DHX9: variants seen among roughly 807,000 people sequenced by gnomAD.
DHX9 encodes ATP-dependent RNA helicase A.
A neutral mutation model predicts 148.7 loss-of-function variants in DHX9; 27 were observed. The ratio of observed to expected loss-of-function variants is 0.18; its 90% CI spans 0.13 to 0.25. The LOEUF is 0.25. Among genes scored for constraint, DHX9 ranks in the 10% least tolerant of loss-of-function variants. The pLI is 1.00. For missense variants in DHX9, 796 were observed against 1,559.6 expected (o/e 0.51, Z 8.25); for synonymous variants, 529 against 516.6 (o/e 1.02, Z -0.33).
chr1:182,881,174 A>G, intron 22 of DHX9, 90 bp from the exon 23 acceptor site: 2 of 1,330,736 alleles, frequency 1.5e-6, no homozygotes, highest in Non-Finnish European at 2.1e-6. Flanking sequence ...ATAGCCATAA[A>G]GACTGCAACC....
At chr1:182,869,766 T>G (rs1648481669) in intron 14 of DHX9, among the ~76,000 whole-genome samples, 1 of 152,174 alleles carries the variant, frequency 6.6e-6, no homozygotes, top group African/African-American at 2.4e-5. Flanking sequence ...ACCTGGGTAA[T>G]TTTTGTATTT....
At chr1:182,879,574 C>T (rs1420052098) in intron 21 of DHX9, among the ~76,000 whole-genome samples, 164 bp downstream of exon 21, 3 of 152,034 alleles carry the variant, frequency 2.0e-5, no homozygotes, top group African/African-American at 4.8e-5. Context: ...TTAGTATAGT[C>T]ACTGTTCTAA....
intron 15 of DHX9, among the ~76,000 whole-genome samples, chr1:182,874,396 C>T (rs1222043534): frequency 6.6e-6 from 1 of 152,128 alleles, no homozygotes; most frequent in African/African-American, 2.4e-5. Flanking sequence ...CATTCTGGGG[C>T]CATCTGAGAA....
chr1:182,887,644 A>G lies in DHX9; in HGVS notation c.*210A>G. 1 of 500,518 alleles carries G rather than the reference A, an allele frequency of 2.0e-6. No individual in the cohort carries two copies. Among genetic ancestry groups the G allele is most frequent in the East Asian group, 3.1e-5 (1 of 31,846 alleles). 31.0% of individuals were successfully genotyped at this position (500,518 alleles called of 1,614,324 possible). On this transcript the variant is annotated 3_prime_UTR_variant, in exon 28 of 28. Transcript: ENST00000367549. The stretch of plus-strand genomic sequence containing the variant: ...TAAAATATAACGATCTCTTAAAAAT[A>G]CCACAGTTTGTATTTTTTCTTTAAG...
In DHX9 at chr1:182,881,674, T is replaced by C. The variant is rs529931157; in HGVS notation, c.2914+27T>C. On this transcript the variant is annotated intron_variant, in intron 24 of 27. Transcript: ENST00000367549. ...TAAGACTTCTTCCATTCTTAAGATA[T>C]CTTTAAAGTGACATTTATATAGTAC... is the stretch of plus-strand genomic sequence containing the variant. 1.6e-4 allele frequency: 247 copies of C among 1,566,164 alleles called. 2 individuals are homozygous for C. The South Asian group carries it at 2.4e-3, about 15-fold the overall frequency.
intron 22 of DHX9, among the ~76,000 whole-genome samples, chr1:182,881,011 A>G (rs1649062027): frequency 6.6e-6 from 1 of 152,238 alleles, no homozygotes; most frequent in Admixed American, 6.5e-5. Flanking sequence ...ATGATGGGGA[A>G]GAGAGAATAT....
At chr1:182,849,003 A>G (rs1668081321) in intron 3 of DHX9, among the ~76,000 whole-genome samples, 2 of 152,224 alleles carry the variant, frequency 1.3e-5, no homozygotes, top group African/African-American at 4.8e-5. Context: ...GTTACTTCTC[A>G]CCAGGCCCTA....
chr1:182,842,405 T>TGGAACTCCC (rs1182369785), intron 1 of DHX9, 140 bp from the exon 2 acceptor site: 1 of 526,538 alleles, frequency 1.9e-6, no homozygotes, highest in Non-Finnish European at 3.4e-6. Flanking sequence ...TCCAATTATG[T>TGGAACTCCC]CGTTAAAATT....
intron 21 of DHX9, 86 bp from the exon 22 acceptor site, chr1:182,880,411 G>C (rs76388620): frequency 4.6e-6 from 4 of 870,244 alleles, no homozygotes; most frequent in Non-Finnish European, 7.4e-6. Context: ...ACTCTAAACT[G>C]TCTTAACCTT....
At position 182,858,191 on chromosome 1, in the gene DHX9, G is replaced by A. The variant is rs199785777; in HGVS notation, c.761G>A (p.Gly254Glu). The A allele has an allele frequency of 6.2e-7, 1 of 1,614,152 alleles. No homozygotes were observed. The highest frequency in any genetic ancestry group is 8.5e-7 in the Non-Finnish European group (1 of 1,180,006). Residue 254 changes from glycine to glutamate, a missense_variant, in exon 8 of 28, where the codon GGA becomes GAA. Physicochemically the swap from Gly to Glu is moderately conservative, Grantham distance 98. This residue lies in a region of DHX9 where 46 missense variants were observed against 136.3 expected (regional missense o/e 0.34). Coordinates refer to ENST00000367549, the MANE Select transcript of DHX9 (RefSeq NM_001357.5). Reference sequence around the variant, plus strand: ...CTTGTCAGACAACTGTACCATCTTGGAGTGGTTGAAGCTTACTCCGGACTT... The same window carrying A: ...CTTGTCAGACAACTGTACCATCTTGAAGTGGTTGAAGCTTACTCCGGACTT... ...LSLVRQLYHL[G>E]VVEAYSGLTK...
chr1:182,850,920 A>G (rs1263520550), intron 3 of DHX9, among the ~76,000 whole-genome samples: 1 of 152,184 alleles, frequency 6.6e-6, no homozygotes. Flanking sequence ...TAGAAGTTAC[A>G]TCAGACACCT....
In DHX9 at chr1:182,854,175, A is replaced by G; in HGVS notation, c.623A>G (p.Asn208Ser). ...YKYTQVGPDH[N>S]RSFIAEMTIY... The stretch of plus-strand genomic sequence containing the variant: ...TACACCCAAGTGGGTCCTGATCACA[A>G]CAGGTTTGCTTGTTTCATTCTTTTC... The change falls in exon 6 of 28, where the codon AAC becomes AGC. Residue 208 changes from asparagine (N) to serine (S), a missense_variant. Around this residue, in one of 14 missense-constraint regions of DHX9, gnomAD observed 46 missense variants for 136.3 expected, o/e 0.34. Coordinates refer to ENST00000367549, the MANE Select transcript of DHX9 (RefSeq NM_001357.5). The G allele has an allele frequency of 6.3e-7, 1 of 1,598,236 alleles. No individual in the cohort carries two copies. The highest frequency in any genetic ancestry group is 2.2e-5 in the East Asian group (1 of 44,722).
intron 3 of DHX9, among the ~76,000 whole-genome samples, chr1:182,850,218 T>G (rs142836586): frequency 1.2e-4 from 19 of 152,264 alleles, no homozygotes; most frequent in Non-Finnish European, 1.6e-4. Flanking sequence ...CAGATACTTG[T>G]GTCTTTTTGT....
At chr1:182,885,480 C>G (rs941075697) in intron 27 of DHX9, among the ~76,000 whole-genome samples, 17 of 152,208 alleles carry the variant, frequency 1.1e-4, no homozygotes, top group African/African-American at 4.1e-4. Context: ...CATCAATACA[C>G]TTCATGTCTT....
intron 27 of DHX9, 66 bp from the exon 28 acceptor site, chr1:182,887,017 A>G (rs1649361633): frequency 6.9e-7 from 1 of 1,445,488 alleles, no homozygotes; most frequent in Non-Finnish European, 9.6e-7. Context: ...AAATGTGTAC[A>G]TTTGGTAAGT....
chr1:182,882,532 T>C (rs1649130882), intron 24 of DHX9, among the ~76,000 whole-genome samples: 1 of 152,130 alleles, frequency 6.6e-6, no homozygotes, highest in Non-Finnish European at 1.5e-5. Context: ...TCAGTCAAGC[T>C]CTTATTCTCA....
At chr1:182,856,821 T>C (rs145318811) in intron 7 of DHX9, among the ~76,000 whole-genome samples, 1 of 152,308 alleles carries the variant, frequency 6.6e-6, no homozygotes, top group Non-Finnish European at 1.5e-5. Context: ...AGTGGGATGA[T>C]TAGGAGTCTG....
intron 16 of DHX9, 37 bp from the exon 17 acceptor site, chr1:182,876,013 G>A (rs1397140717): frequency 6.4e-7 from 1 of 1,566,388 alleles, no homozygotes; most frequent in East Asian, 2.2e-5. Context: ...ATGAGTAACT[G>A]AGACAATCCA....
At chr1:182,873,395 G>A (rs931217999) in intron 15 of DHX9, among the ~76,000 whole-genome samples, 13 of 152,206 alleles carry the variant, frequency 8.5e-5, no homozygotes, top group African/African-American at 3.1e-4. Flanking sequence ...GATACGAAGT[G>A]ATGTTATGGC....
Sources: allele counts gnomAD v4.1 joint callset (sites outside exome capture counted in the v4.1 genomes callset), GRCh38; gene constraint gnomAD v4.1.1; regional missense constraint gnomAD v4.1.1; transcripts MANE v1.5; gene names NCBI Gene and HGNC (gene_info 2026-07-23, HGNC 2026-07-21).